The following NBAS variants were observed in gnomAD, a reference collection of about 807,000 sequenced individuals.
NBAS encodes NAG/BC035112 fusion.
Under a neutral mutation model 302.5 loss-of-function variants are expected in NBAS, and 219 were observed. The ratio of observed to expected loss-of-function variants is 0.72; its 90% confidence interval spans 0.65 to 0.81. NBAS has a LOEUF of 0.81. NBAS is among the 30% of genes least tolerant of loss of function. NBAS has a pLI of 0.00. For synonymous variants in NBAS, 1,118 were observed against 1,021.6 expected (o/e 1.09, Z -1.80); for missense variants, 2,932 against 2,841.6 (o/e 1.03, Z -0.72).
chr2:14,976,628 C>T, the NBAS span, among the ~76,000 whole-genome samples: 1 of 152,192 alleles, frequency 6.6e-6, no homozygotes, highest in South Asian at 2.1e-4. Context: ...ACTTCAACAC[C>T]TGTGAATGTG....
At chr2:15,121,498 A>G in the NBAS span, among the ~76,000 whole-genome samples, 12 of 150,770 alleles carry the variant, frequency 8.0e-5, no homozygotes, top group Non-Finnish European at 1.2e-4. Flanking sequence ...AAACACTAGG[A>G]CAGACATTTT....
the NBAS span, among the ~76,000 whole-genome samples, chr2:15,110,233 T>G: frequency 2.8e-4 from 42 of 152,132 alleles, 1 homozygote; most frequent in East Asian, 7.8e-3. Context: ...CAAAGGCTGA[T>G]GGCAAGGAAG....
At chr2:15,440,541 A>C (rs1678322513) in intron 21 of NBAS, among the ~76,000 whole-genome samples, 1 of 152,178 alleles carries the variant, frequency 6.6e-6, no homozygotes, top group African/African-American at 2.4e-5. Context: ...AAAGTAGATA[A>C]AACCACAAAG....
the NBAS span, among the ~76,000 whole-genome samples, chr2:14,801,469 A>G: frequency 4.5e-3 from 684 of 152,048 alleles, 7 homozygotes; most frequent in African/African-American, 0.016. Flanking sequence ...TCAATCTCAG[A>G]TATTATAGTT....
the NBAS span, among the ~76,000 whole-genome samples, chr2:15,062,000 G>A: frequency 2.6e-5 from 4 of 152,250 alleles, no homozygotes; most frequent in South Asian, 2.1e-4. Flanking sequence ...ATGTGCAGCC[G>A]AGACCCCAAG....
chr2:15,017,916 T>C, the NBAS span, among the ~76,000 whole-genome samples: 3 of 151,974 alleles, frequency 2.0e-5, no homozygotes, highest in Admixed American at 6.6e-5. Context: ...GATGAATGGA[T>C]AAAGAAAATG....
the NBAS span, among the ~76,000 whole-genome samples, chr2:14,787,045 C>T: frequency 6.6e-6 from 1 of 152,184 alleles, no homozygotes; most frequent in African/African-American, 2.4e-5. Flanking sequence ...GTTAGCTCTT[C>T]TTGTTGAATT....
the NBAS span, among the ~76,000 whole-genome samples, chr2:14,848,788 A>C: frequency 1.3e-5 from 2 of 151,896 alleles, no homozygotes; most frequent in African/African-American, 4.9e-5. Flanking sequence ...TGAGCAGCCT[A>C]ACTGGGAGGC....
chr2:15,440,075 G>A (rs1678277428), intron 21 of NBAS, among the ~76,000 whole-genome samples: 1 of 152,246 alleles, frequency 6.6e-6, no homozygotes, highest in East Asian at 1.9e-4. Context: ...ATCTCTGGGG[G>A]CAGGGCACAG....
chr2:15,275,051 G>A (rs1669507066), intron 44 of NBAS, among the ~76,000 whole-genome samples: 1 of 151,764 alleles, frequency 6.6e-6, no homozygotes, highest in African/African-American at 2.4e-5. Context: ...CCAAAGTGCT[G>A]GGATTACAGG....
intron 9 of NBAS, among the ~76,000 whole-genome samples, chr2:15,514,206 A>T (rs1662279025): frequency 6.6e-6 from 1 of 152,230 alleles, no homozygotes; most frequent in Non-Finnish European, 1.5e-5. Flanking sequence ...CTGGGTATAC[A>T]GGTAAAATGA....
the NBAS span, among the ~76,000 whole-genome samples, chr2:14,840,818 A>C: frequency 4.2e-3 from 633 of 152,196 alleles, 5 homozygotes; most frequent in African/African-American, 0.014. Context: ...AACATGCAAA[A>C]AGAAAAATAT....
the NBAS span, among the ~76,000 whole-genome samples, chr2:14,874,294 T>C: frequency 6.6e-6 from 1 of 152,088 alleles, no homozygotes; most frequent in Admixed American, 6.5e-5. Flanking sequence ...TGCAGAACTC[T>C]TTCTATGAGG....
At position 15,352,714 on chromosome 2, in the gene NBAS, G is replaced by A. The variant is rs569035936; in HGVS notation, c.4090-633C>T. ...CAGCTGCAGCGTTCTTCCCTTTTCC[G>A]GTGGAATGCCCTCACAGGTCATACG... On this transcript the variant is annotated intron_variant, in intron 34 of 51. Transcript: ENST00000281513. Among the ~76,000 whole-genome samples the A allele has an allele frequency of 3.9e-4, 60 of 152,148 alleles. 1 individual carries two copies. In the South Asian group the frequency reaches 0.012, roughly 30 times the overall value.
chr2:15,424,545 G>C lies in NBAS; in HGVS notation c.2424-77C>G. 2.0e-6 allele frequency: 3 copies of C among 1,516,276 alleles called. 1 individual carries two copies. The South Asian group carries it at 3.4e-5, about 17-fold the overall frequency. The allele number at this position is 1,516,276 out of a possible 1,614,324, so 93.9% of individuals were successfully genotyped here. A position where few individuals can be genotyped will look rare whatever the true frequency, so the allele number is the denominator to read the frequency against. On this transcript the variant is annotated intron_variant, in intron 22 of 51. Transcript: ENST00000281513. ...ATATAATTTTGTGAGAGAAAGACAG[G>C]GACAGAGATGGGGAGAAAGTAAGAG... is the stretch of plus-strand genomic sequence containing the variant.
At chr2:14,864,796 C>T in the NBAS span, among the ~76,000 whole-genome samples, 1 of 152,110 alleles carries the variant, frequency 6.6e-6, no homozygotes, top group Non-Finnish European at 1.5e-5. Context: ...ATAATAGCAC[C>T]TATATTCCAG....
the NBAS span, among the ~76,000 whole-genome samples, chr2:15,048,042 TG>T: frequency 0.82 from 125,267 of 152,186 alleles, 51,896 homozygotes; most frequent in East Asian, 0.99. Flanking sequence ...GGAGAACTCC[TG>T]CTGGGCCGAG....
At chr2:15,278,625 G>C (rs1047126230) in intron 42 of NBAS, among the ~76,000 whole-genome samples, 19 of 152,148 alleles carry the variant, frequency 1.2e-4, no homozygotes, top group African/African-American at 4.6e-4. Flanking sequence ...CTATGTACAA[G>C]GCACTGTGCT....
chr2:14,881,503 A>G, the NBAS span, among the ~76,000 whole-genome samples: 1 of 152,208 alleles, frequency 6.6e-6, no homozygotes, highest in Admixed American at 6.5e-5. Flanking sequence ...TGTACCGCCA[A>G]ATCTAAAAAC....
Sources: gnomAD v4.1 joint callset for allele counts (sites outside exome capture counted in the v4.1 genomes callset) on GRCh38, gnomAD v4.1.1 for gene constraint, MANE v1.5 for transcripts, NCBI Gene and HGNC (gene_info 2026-07-23, HGNC 2026-07-21) for gene names.